The following CA10 variants were observed in gnomAD, a reference collection of about 807,000 sequenced individuals.
CA10 encodes carbonic anhydrase-related protein 10.
Under a neutral mutation model 44.2 loss-of-function variants are expected in CA10, and 14 were observed. The ratio of observed to expected loss-of-function variants is 0.32; its 90% CI spans 0.21 to 0.50. CA10 has a LOEUF of 0.50. Ranked by LOEUF, CA10 falls within the 20% of genes least tolerant of loss-of-function variation. The pLI is 0.99. For missense variants in CA10, 350 were observed against 409.7 expected, an observed-to-expected ratio of 0.85 and a Z score of 1.26; for synonymous variants, 159 against 141.6, an observed-to-expected ratio of 1.12 and a Z score of -0.87.
intron 3 of CA10, among the ~76,000 whole-genome samples, chr17:51,830,571 A>C (rs911927392): frequency 1.3e-5 from 2 of 152,180 alleles, no homozygotes; most frequent in Non-Finnish European, 2.9e-5. Context: ...TTAGGAATTC[A>C]CCTCATTAAA....
intron 1 of CA10, among the ~76,000 whole-genome samples, chr17:52,105,443 G>T (rs1316849979): frequency 6.6e-6 from 1 of 152,052 alleles, no homozygotes; most frequent in Non-Finnish European, 1.5e-5. Context: ...TTTTAGTAGA[G>T]AGGGGGTTTC....
At chr17:51,809,544 T>C (rs1907274514) in intron 3 of CA10, among the ~76,000 whole-genome samples, 1 of 152,166 alleles carries the variant, frequency 6.6e-6, no homozygotes, top group Non-Finnish European at 1.5e-5. Context: ...ACTAACATGC[T>C]CTTTGTAGCA....
intron 3 of CA10, among the ~76,000 whole-genome samples, chr17:51,820,120 A>G (rs1907709123): frequency 6.7e-6 from 1 of 150,188 alleles, no homozygotes; most frequent in African/African-American, 2.5e-5. Flanking sequence ...CCCAAGTTCC[A>G]CAGCTTGCAA....
At chr17:51,948,629 T>C (rs1983371438) in intron 2 of CA10, among the ~76,000 whole-genome samples, 1 of 152,208 alleles carries the variant, frequency 6.6e-6, no homozygotes, top group Non-Finnish European at 1.5e-5. Context: ...CTGCCGTCCC[T>C]GAAGTGGTAG....
chr17:52,099,022 T>C (rs1210818710), intron 1 of CA10, among the ~76,000 whole-genome samples: 2 of 152,078 alleles, frequency 1.3e-5, no homozygotes, highest in African/African-American at 2.4e-5. Context: ...AAGAATTTCA[T>C]ATGGTGGTGT....
chr17:51,955,873 T>C (rs1195996406), intron 2 of CA10, among the ~76,000 whole-genome samples: 3 of 151,832 alleles, frequency 2.0e-5, no homozygotes, highest in Non-Finnish European at 2.9e-5. Context: ...AAATACCTAA[T>C]GCATGCGGGG....
chr17:52,118,588 G>C (rs997233126), intron 1 of CA10, among the ~76,000 whole-genome samples: 1 of 152,060 alleles, frequency 6.6e-6, no homozygotes. Context: ...AGGATTATTT[G>C]ACATGTTGAG....
intron 3 of CA10, among the ~76,000 whole-genome samples, chr17:51,789,258 C>T (rs1195705587): frequency 6.6e-6 from 1 of 151,270 alleles, no homozygotes; most frequent in Non-Finnish European, 1.5e-5. Context: ...TCAGGAGATC[C>T]ACCCACGCTG....
At chr17:51,946,516 C>T (rs905294512) in intron 2 of CA10, among the ~76,000 whole-genome samples, 1 of 152,136 alleles carries the variant, frequency 6.6e-6, no homozygotes, top group South Asian at 2.1e-4. Flanking sequence ...GACCTGTTTT[C>T]TGTGGCTCCT....
intron 4 of CA10, among the ~76,000 whole-genome samples, chr17:51,682,294 G>A (rs1236178286): frequency 6.6e-6 from 1 of 152,204 alleles, no homozygotes; most frequent in Non-Finnish European, 1.5e-5. Context: ...TTATGTGGGT[G>A]TTTATTCTGA....
At chr17:51,904,956 CAG>C (rs1234455128) in intron 3 of CA10, among the ~76,000 whole-genome samples, 1 of 152,122 alleles carries the variant, frequency 6.6e-6, no homozygotes, top group Non-Finnish European at 1.5e-5. Flanking sequence ...TACATTTTCA[CAG>C]AGACCTAGAA....
chr17:51,713,541 C>T (rs1916008030), intron 4 of CA10, among the ~76,000 whole-genome samples: 1 of 152,190 alleles, frequency 6.6e-6, no homozygotes. Context: ...TCACTTAAGC[C>T]TAGGACCAAA....
chr17:51,676,593 G>T (rs1914632199), intron 4 of CA10, among the ~76,000 whole-genome samples: 1 of 152,180 alleles, frequency 6.6e-6, no homozygotes, highest in Admixed American at 6.5e-5. Flanking sequence ...AGATGTAGGT[G>T]CAGTGTTACC....
At chr17:51,723,919 T>G (rs1162887569) in intron 4 of CA10, among the ~76,000 whole-genome samples, 1 of 152,142 alleles carries the variant, frequency 6.6e-6, no homozygotes, top group Non-Finnish European at 1.5e-5. Flanking sequence ...GCCCATGGGG[T>G]ACCTGGCATT....
At chr17:51,800,342 G>A (rs968785670) in intron 3 of CA10, among the ~76,000 whole-genome samples, 9 of 152,056 alleles carry the variant, frequency 5.9e-5, no homozygotes, top group Admixed American at 3.9e-4. Context: ...AGTCTGGGTG[G>A]GTCAGAGGGA....
At chr17:52,088,376 G>A (rs191476667) in intron 1 of CA10, among the ~76,000 whole-genome samples, 138 of 151,868 alleles carry the variant, frequency 9.1e-4, no homozygotes, top group African/African-American at 3.2e-3. Context: ...TAAGAAATGT[G>A]TAACAATGAG....
rs139256253 is a variant in CA10 at position 51,879,310 on chromosome 17, A to G, written c.279+51680T>C. On this transcript the variant is annotated intron_variant, in intron 3 of 8. Transcript: ENST00000451037. Reference sequence around the variant, plus strand: ...TACCAGAATTGGAATTACTGGGGAGACAAATACTACAAATAGCTGCATAAG... The same window carrying G: ...TACCAGAATTGGAATTACTGGGGAGGCAAATACTACAAATAGCTGCATAAG... 7.2e-5 allele frequency among the ~76,000 whole-genome samples: 11 copies of G among 152,244 alleles called. No individual in the cohort carries two copies. In the East Asian group the frequency reaches 2.1e-3, roughly 29 times the overall value.
At chr17:51,878,599 G>A (rs992748450) in intron 3 of CA10, among the ~76,000 whole-genome samples, 4 of 151,806 alleles carry the variant, frequency 2.6e-5, no homozygotes, top group African/African-American at 9.7e-5. Context: ...TCTGCAAATT[G>A]TGTGAGTTGG....
chr17:51,690,336 C>A (rs773525437), intron 4 of CA10, among the ~76,000 whole-genome samples: 1 of 152,202 alleles, frequency 6.6e-6, no homozygotes, highest in Non-Finnish European at 1.5e-5. Context: ...ATTCTAACTA[C>A]AATTTTGTAT....
Sources: gnomAD v4.1 joint callset for allele counts (sites outside exome capture counted in the v4.1 genomes callset) on GRCh38, gnomAD v4.1.1 for gene constraint, MANE v1.5 for transcripts, NCBI Gene and HGNC (gene_info 2026-07-23, HGNC 2026-07-21) for gene names.